Variants in ZC3H14 observed in about 807,000 individuals in gnomAD.
ZC3H14 encodes zinc finger CCCH-type containing 14.
Under a neutral mutation model 92.4 loss-of-function variants are expected in ZC3H14, and 31 were observed. That is an observed-to-expected ratio of 0.34 (90% CI 0.25 to 0.45). The LOEUF (loss-of-function observed/expected upper bound fraction) is 0.45, where lower values mean the gene tolerates loss of function less well. Ranked by LOEUF, ZC3H14 falls within the 20% of genes least tolerant of loss-of-function variation. The pLI is 1.00. For missense variants in ZC3H14, 781 were observed against 897.3 expected (o/e 0.87, Z 1.66); for synonymous variants, 321 against 300.9 (o/e 1.07, Z -0.69).
In ZC3H14 at chr14:88,617,391, C is replaced by G. The variant is rs2087831549; in HGVS notation, c.*5640C>G. The stretch of plus-strand genomic sequence containing the variant: ...CGAACTCCCGACCTCAGGTGATCAC[C>G]CCCGCTCGGCCTCCCAAAGTGCTGG... On this transcript the variant is annotated 3_prime_UTR_variant, in exon 17 of 17. Transcript: ENST00000251038. 1 of 152,582 alleles carries G rather than the reference C, an allele frequency of 6.6e-6. No individual in the cohort carries two copies. Among genetic ancestry groups the G allele is most frequent in the Non-Finnish European group, 1.5e-5 (1 of 68,438 alleles). The allele number at this position is 152,582 out of a possible 1,614,324, so 9.5% of individuals were successfully genotyped here.
intron 3 of ZC3H14, 88 bp downstream of exon 3, chr14:88,568,241 A>C: frequency 9.0e-7 from 1 of 1,112,480 alleles, no homozygotes; most frequent in South Asian, 1.3e-5. Context: ...TTGACACTTG[A>C]GTTAGGTTTA....
In ZC3H14 at chr14:88,621,098, A is replaced by G. The variant is rs761877696; in HGVS notation, c.*9347A>G. On this transcript the variant is annotated 3_prime_UTR_variant, in exon 17 of 17. Transcript: ENST00000251038. ...AGAAGTTGTAACCTCTTTTAAAAAA[A>G]TTATCTGTACTTACTTTATCAGCAA... 5.0e-6 allele frequency: 8 copies of G among 1,602,028 alleles called. No individual in the cohort carries two copies. The East Asian group carries it at 1.8e-4, about 36-fold the overall frequency.
In ZC3H14 at chr14:88,571,103, A is replaced by G; in HGVS notation, c.214A>G (p.Lys72Glu). Residue 72 changes from lysine to glutamate, a missense_variant, in exon 4 of 17, where the codon AAA becomes GAA. Lys to Glu is a moderately conservative substitution (Grantham distance 56). This residue lies in a region of ZC3H14 where 106 missense variants were observed against 154.2 expected (regional missense o/e 0.69). Coordinates refer to ENST00000251038, the MANE Select transcript of ZC3H14 (RefSeq NM_024824.5). ...FTVWLHGVLD[K>E]LRSVTTEPSS... ...CCTCAGGCTTCATGGTGTATTAGAT[A>G]AACTTCGCTCTGTTACAACTGGTAA... is the stretch of plus-strand genomic sequence containing the variant. The G allele has an allele frequency of 1.3e-6, 2 of 1,583,226 alleles. No individual in the cohort carries two copies. The highest frequency in any genetic ancestry group is 8.6e-7 in the Non-Finnish European group (1 of 1,163,846).
intron 9 of ZC3H14, among the ~76,000 whole-genome samples, chr14:88,595,575 A>G (rs1180008957): frequency 6.6e-6 from 1 of 152,216 alleles, no homozygotes; most frequent in Non-Finnish European, 1.5e-5. Context: ...ACAGTTCCTC[A>G]GAATGTGTGT....
At chr14:88,597,959 T>C (rs2084073444) in intron 10 of ZC3H14, among the ~76,000 whole-genome samples, 3 of 152,188 alleles carry the variant, frequency 2.0e-5, no homozygotes, top group African/African-American at 7.2e-5. Flanking sequence ...TAAGATCCCT[T>C]TGTTTCTGCA....
Position 88,624,769 on chromosome 14 carries a change from A to C in ZC3H14, c.*13018A>C. 1 of 597,324 alleles carries C rather than the reference A, an allele frequency of 1.7e-6. No homozygotes were observed. The highest frequency in any genetic ancestry group is 2.8e-6 in the Non-Finnish European group (1 of 355,956). 37.0% of individuals were successfully genotyped at this position (597,324 alleles called of 1,614,324 possible). ...ACACCTCAGAAAAAGTATCACCCCA[A>C]CATGAAAAAAATTGGAAGTGAATTA... On this transcript the variant is annotated 3_prime_UTR_variant, in exon 17 of 17. Coordinates refer to ENST00000251038, the MANE Select transcript of ZC3H14 (RefSeq NM_024824.5).
chr14:88,572,307 G>T, intron 5 of ZC3H14, 82 bp downstream of exon 5: 1 of 1,464,380 alleles, frequency 6.8e-7, no homozygotes, highest in Non-Finnish European at 9.4e-7. Context: ...CTTTCAGTTT[G>T]CTGTTCTCAG....
At chr14:88,563,742 T>C in intron 2 of ZC3H14, 49 bp downstream of exon 2, 1 of 1,567,664 alleles carries the variant, frequency 6.4e-7, no homozygotes, top group Non-Finnish European at 8.8e-7. Flanking sequence ...AGTTTGCAGC[T>C]AATAGAATTT....
intron 1 of ZC3H14, 109 bp from the exon 2 acceptor site, chr14:88,563,542 G>T (rs1311206880): frequency 6.3e-7 from 1 of 1,582,406 alleles, no homozygotes; most frequent in Non-Finnish European, 8.7e-7. Flanking sequence ...CCCCCGCCCG[G>T]GGGATCCGAG....
At chr14:88,563,516 G>T in intron 1 of ZC3H14, 135 bp from the exon 2 acceptor site, 1 of 1,567,596 alleles carries the variant, frequency 6.4e-7, no homozygotes, top group Non-Finnish European at 8.7e-7. Flanking sequence ...GGCGGTGCAG[G>T]CGAGGCTCCT....
In ZC3H14 at chr14:88,612,007, ATT is replaced by A; in HGVS notation, c.*258_*259del. 1 of 536,278 alleles carries A rather than the reference ATT, an allele frequency of 1.9e-6. No individual in the cohort carries two copies. Among genetic ancestry groups the A allele is most frequent in the East Asian group, 3.2e-5 (1 of 31,098 alleles). 33.2% of individuals were successfully genotyped at this position (536,278 alleles called of 1,614,324 possible). ...AGGAAGAGCTAAATTCTGTTAAAAT[ATT>A]TGGGGCATGTTTGTGCACTGCTGTT... On this transcript the variant is annotated 3_prime_UTR_variant, in exon 17 of 17. Transcript: ENST00000251038.
At chr14:88,600,050 C>G (rs565576380) in intron 10 of ZC3H14, among the ~76,000 whole-genome samples, 11 of 152,256 alleles carry the variant, frequency 7.2e-5, no homozygotes, top group Non-Finnish European at 1.6e-4. Flanking sequence ...CAGGTCAAAT[C>G]TGAATTTTCT....
chr14:88,603,136 A>C, intron 12 of ZC3H14, 76 bp downstream of exon 12: 1 of 1,417,676 alleles, frequency 7.1e-7, no homozygotes, highest in South Asian at 1.2e-5. Flanking sequence ...ACCTTGAATG[A>C]ATATTGGTTA....
intron 2 of ZC3H14, among the ~76,000 whole-genome samples, chr14:88,566,349 A>AGGGGC (rs1297017519): frequency 6.6e-6 from 1 of 152,118 alleles, no homozygotes; most frequent in Non-Finnish European, 1.5e-5. Context: ...AAACCAAAGA[A>AGGGGC]GGGGCCCAAG....
chr14:88,601,872 A>C (rs1487049173), intron 10 of ZC3H14, 52 bp from the exon 11 acceptor site: 1 of 1,593,064 alleles, frequency 6.3e-7, no homozygotes, highest in Non-Finnish European at 8.6e-7. Context: ...TAATGTTGGG[A>C]ATGTAAGGTA....
chr14:88,593,351 CT>C (rs1054365847), intron 9 of ZC3H14, among the ~76,000 whole-genome samples: 1 of 151,844 alleles, frequency 6.6e-6, no homozygotes, highest in Non-Finnish European at 1.5e-5. Flanking sequence ...CCCCAAATTG[CT>C]TTTTTTTGTA....
chr14:88,570,063 T>G (rs1160640167), intron 3 of ZC3H14, among the ~76,000 whole-genome samples: 1 of 152,160 alleles, frequency 6.6e-6, no homozygotes, highest in Non-Finnish European at 1.5e-5. Flanking sequence ...CTTGATAGAA[T>G]ACTTAGATTT....
chr14:88,602,221 A>C (rs545447849), intron 11 of ZC3H14, 138 bp downstream of exon 11: 2 of 1,139,202 alleles, frequency 1.8e-6, no homozygotes, highest in African/African-American at 3.1e-5. Flanking sequence ...TAGCCCATGA[A>C]TAGTTAGCCA....
chr14:88,564,493 A>G (rs1250623180), intron 2 of ZC3H14, among the ~76,000 whole-genome samples: 1 of 152,238 alleles, frequency 6.6e-6, no homozygotes, highest in Non-Finnish European at 1.5e-5. Context: ...TAAAAATAAT[A>G]GCTACCACTA....
Sources: gnomAD v4.1 joint callset for allele counts (sites outside exome capture counted in the v4.1 genomes callset) on GRCh38, gnomAD v4.1.1 for gene constraint, gnomAD v4.1.1 regional missense constraint, MANE v1.5 for transcripts, NCBI Gene and HGNC (gene_info 2026-07-23, HGNC 2026-07-21) for gene names.